Variants in CAMK1D observed in about 807,000 individuals in gnomAD.
CAMK1D encodes calcium/calmodulin-dependent protein kinase type 1D.
Under a neutral mutation model 47.7 loss-of-function variants are expected in CAMK1D, and 9 were observed. The observed-to-expected ratio is 0.19, with a 90% confidence interval of 0.11 to 0.33. CAMK1D has a LOEUF of 0.33. Among genes scored for constraint, CAMK1D ranks in the 10% least tolerant of loss-of-function variants. The probability of loss-of-function intolerance (pLI) is 1.00; values close to 1 mark genes in which losing one functional copy is unlikely to be tolerated. For synonymous variants in CAMK1D, 184 were observed against 184.9 expected, an observed-to-expected ratio of 0.99 and a Z score of 0.04; for missense variants, 291 against 488.7, an observed-to-expected ratio of 0.60 and a Z score of 3.81.
chr10:12,350,910 G>A (rs570335752), intron 1 of CAMK1D, among the ~76,000 whole-genome samples: 1 of 152,330 alleles, frequency 6.6e-6, no homozygotes, highest in East Asian at 1.9e-4. Flanking sequence ...GGGGTTCATG[G>A]AGGTGTTGAT....
intron 1 of CAMK1D, among the ~76,000 whole-genome samples, chr10:12,433,248 A>G (rs1832539164): frequency 6.6e-6 from 1 of 151,988 alleles, no homozygotes; most frequent in East Asian, 1.9e-4. Context: ...TTTTTTGCCT[A>G]CCACGTTTGT....
intron 1 of CAMK1D, among the ~76,000 whole-genome samples, chr10:12,526,227 ATCAGTTAAGTTT>A (rs1488138197): frequency 6.6e-6 from 1 of 152,338 alleles, no homozygotes; most frequent in East Asian, 1.9e-4. Context: ...TGGTAACAGT[ATCAGTTAAGTTT>A]TCAAAGCCTT....
chr10:12,651,026 A>G (rs1308753982), intron 2 of CAMK1D, among the ~76,000 whole-genome samples: 1 of 152,150 alleles, frequency 6.6e-6, no homozygotes, highest in African/African-American at 2.4e-5. Flanking sequence ...TGAGACTGGG[A>G]ATGAATCTGG....
intron 1 of CAMK1D, among the ~76,000 whole-genome samples, chr10:12,442,344 G>T (rs1832807784): frequency 6.6e-6 from 1 of 152,152 alleles, no homozygotes; most frequent in South Asian, 2.1e-4. Flanking sequence ...AGCCAGATGT[G>T]GTGGCAGGTG....
intron 3 of CAMK1D, among the ~76,000 whole-genome samples, chr10:12,730,780 AC>A (rs1834849867): frequency 6.6e-6 from 1 of 152,162 alleles, no homozygotes; most frequent in Non-Finnish European, 1.5e-5. Flanking sequence ...GTCCAGCCCC[AC>A]TGGTAGCTCA....
chr10:12,756,665 A>G (rs1836238351), intron 3 of CAMK1D, among the ~76,000 whole-genome samples: 1 of 152,202 alleles, frequency 6.6e-6, no homozygotes, highest in African/African-American at 2.4e-5. Context: ...GGTGGCTCAC[A>G]CCTGTAATCC....
At chr10:12,538,040 C>T (rs1262077002) in intron 1 of CAMK1D, among the ~76,000 whole-genome samples, 1 of 152,168 alleles carries the variant, frequency 6.6e-6, no homozygotes, top group African/African-American at 2.4e-5. Flanking sequence ...AATGACACGA[C>T]TTGTGTTCCA....
At chr10:12,821,148 A>G (rs1277633722) in intron 8 of CAMK1D, among the ~76,000 whole-genome samples, 1 of 152,230 alleles carries the variant, frequency 6.6e-6, no homozygotes, top group Non-Finnish European at 1.5e-5. Context: ...GTCCGAAGGC[A>G]GACTGGAGAC....
intron 2 of CAMK1D, among the ~76,000 whole-genome samples, chr10:12,582,373 CTT>C (rs1837688225): frequency 6.6e-6 from 1 of 152,068 alleles, no homozygotes; most frequent in Non-Finnish European, 1.5e-5. Context: ...TATGTGGACT[CTT>C]TTTTGGTGCC....
intron 2 of CAMK1D, among the ~76,000 whole-genome samples, chr10:12,662,954 TGTTTTTGTTTTC>T (rs1417502286): frequency 7.2e-5 from 11 of 152,160 alleles, no homozygotes; most frequent in Non-Finnish European, 1.2e-4. Flanking sequence ...TTTGTTTGTT[TGTTTTTGTTTTC>T]GTTTTTGTTT....
intron 1 of CAMK1D, among the ~76,000 whole-genome samples, chr10:12,386,177 G>A (rs978962664): frequency 1.3e-5 from 2 of 152,208 alleles, no homozygotes; most frequent in Admixed American, 6.5e-5. Flanking sequence ...GATGGCTCCT[G>A]TATGTAATTC....
At chr10:12,818,751 C>T (rs1832905207) in intron 8 of CAMK1D, among the ~76,000 whole-genome samples, 1 of 151,946 alleles carries the variant, frequency 6.6e-6, no homozygotes, top group Non-Finnish European at 1.5e-5. Flanking sequence ...CCAGCCAAAA[C>T]TATCTGATTC....
intron 1 of CAMK1D, among the ~76,000 whole-genome samples, chr10:12,445,752 A>G (rs543211370): frequency 3.0e-4 from 45 of 152,160 alleles, no homozygotes; most frequent in Admixed American, 1.6e-3. Flanking sequence ...TATATTGCTC[A>G]TTTGTTTTTA....
chr10:12,600,739 T>G (rs1371618078), intron 2 of CAMK1D, among the ~76,000 whole-genome samples: 1 of 152,222 alleles, frequency 6.6e-6, no homozygotes, highest in Non-Finnish European at 1.5e-5. Context: ...TCATGTACAT[T>G]GTACCCATTA....
chr10:12,510,389 C>G (rs1835004413), intron 1 of CAMK1D, among the ~76,000 whole-genome samples: 1 of 151,566 alleles, frequency 6.6e-6, no homozygotes, highest in South Asian at 2.1e-4. Context: ...GCACTCCAGC[C>G]TGGGTGACAG....
chr10:12,442,500 A>G (rs1832812154), intron 1 of CAMK1D, among the ~76,000 whole-genome samples: 1 of 152,166 alleles, frequency 6.6e-6, no homozygotes, highest in Non-Finnish European at 1.5e-5. Flanking sequence ...CAAACAAAAA[A>G]ACTTTGATTT....
chr10:12,542,870 C>T (rs1301092145), intron 1 of CAMK1D, among the ~76,000 whole-genome samples: 2 of 152,098 alleles, frequency 1.3e-5, no homozygotes, highest in African/African-American at 4.8e-5. Context: ...CTCAGCCTCC[C>T]AAGTAGCTGG....
intron 2 of CAMK1D, among the ~76,000 whole-genome samples, chr10:12,572,492 G>T (rs1479198133): frequency 6.6e-6 from 1 of 152,162 alleles, no homozygotes; most frequent in East Asian, 1.9e-4. Context: ...GGAAGATGAG[G>T]GATGATTCCT....
At chr10:12,549,241 A>G (rs937030718) in intron 1 of CAMK1D, among the ~76,000 whole-genome samples, 1 of 152,190 alleles carries the variant, frequency 6.6e-6, no homozygotes, top group Non-Finnish European at 1.5e-5. Flanking sequence ...GTCCCTAGCA[A>G]CCACAGTTCT....
Sources: gnomAD v4.1 joint callset for allele counts (sites outside exome capture counted in the v4.1 genomes callset) on GRCh38, gnomAD v4.1.1 for gene constraint, MANE v1.5 for transcripts, NCBI Gene and HGNC (gene_info 2026-07-23, HGNC 2026-07-21) for gene names.